NEGR1: variants seen among roughly 807,000 people sequenced by gnomAD.
NEGR1 encodes neuronal growth regulator 1.
In NEGR1, 10 loss-of-function variants were observed where a neutral mutation model predicts 40.9. That is an observed-to-expected ratio of 0.24 (90% CI 0.15 to 0.42). The LOEUF (loss-of-function observed/expected upper bound fraction) is 0.42. NEGR1 is among the 10% of genes least tolerant of loss of function. The pLI, the probability that NEGR1 is intolerant of heterozygous loss-of-function variation, is 1.00. For missense variants in NEGR1, 352 were observed against 438.9 expected (o/e 0.80, Z 1.77); for synonymous variants, 185 against 166.8 (o/e 1.11, Z -0.84).
chr1:71,417,886 A>C (rs1646366777), intron 6 of NEGR1, among the ~76,000 whole-genome samples: 1 of 152,186 alleles, frequency 6.6e-6, no homozygotes, highest in African/African-American at 2.4e-5. Context: ...GCAGGAGATC[A>C]TGTGTATCTC....
chr1:71,935,295 C>A lies in NEGR1; in HGVS notation c.193G>T (p.Gly65Ter). The change falls in exon 2 of 7, where the codon GGA (glycine) becomes TGA (stop). Residue 65 changes from glycine to a stop codon, truncating the protein, a stop_gained. Transcript: ENST00000357731. LOFTEE classifies it high-confidence loss of function. ...TTCAGCCAGGCACCCTTTGAAGCTC[C>A]ATCTTCCAAATAACACCTACAAATT... is the stretch of plus-strand genomic sequence containing the variant. ...TAVLRCYLEDGASKGAWLNRS... is the reference protein window; with the variant it reads ...TAVLRCYLED 6.2e-7 allele frequency: 1 copy of A among 1,612,152 alleles called. No homozygotes were observed. The highest frequency in any genetic ancestry group is 8.5e-7 in the Non-Finnish European group (1 of 1,178,288).
In NEGR1 at chr1:71,832,037, AG is replaced by A. The variant is rs1658860576; in HGVS notation, c.410-55741del. Reference sequence around the variant, plus strand: ...CTGATGTAAGTACGCAAGATGGATTAGAGATGGTAGAGACTCGAGTGAGAAA... The same window carrying A: ...CTGATGTAAGTACGCAAGATGGATTAAGATGGTAGAGACTCGAGTGAGAAA... On this transcript the variant is annotated intron_variant, in intron 2 of 6. Transcript: ENST00000357731. Among the ~76,000 whole-genome samples the A allele has an allele frequency of 2.0e-5, 3 of 152,016 alleles. No homozygotes were observed. The South Asian group carries it at 6.2e-4, about 32-fold the overall frequency.
chr1:71,683,226 C>A (rs1347573875), intron 4 of NEGR1, among the ~76,000 whole-genome samples: 1 of 152,012 alleles, frequency 6.6e-6, no homozygotes, highest in African/African-American at 2.4e-5. Context: ...TCTTATACTA[C>A]AGGTATGGCC....
chr1:71,915,323 A>G (rs1011334817), intron 2 of NEGR1, among the ~76,000 whole-genome samples: 1 of 152,138 alleles, frequency 6.6e-6, no homozygotes, highest in Admixed American at 6.5e-5. Flanking sequence ...GAAAAAATAG[A>G]AAGTTGGAGA....
chr1:71,772,236 T>C (rs1656354136), intron 3 of NEGR1, among the ~76,000 whole-genome samples: 1 of 152,140 alleles, frequency 6.6e-6, no homozygotes, highest in Admixed American at 6.5e-5. Flanking sequence ...AAACCCCATC[T>C]CTACTCAGAA....
At chr1:71,636,096 T>G (rs1200425260) in intron 4 of NEGR1, among the ~76,000 whole-genome samples, 1 of 152,082 alleles carries the variant, frequency 6.6e-6, no homozygotes, top group African/African-American at 2.4e-5. Flanking sequence ...TTTTAAAATA[T>G]TTTTGAATAG....
intron 1 of NEGR1, among the ~76,000 whole-genome samples, chr1:72,186,057 A>G (rs1652600954): frequency 6.6e-6 from 1 of 151,838 alleles, no homozygotes; most frequent in Non-Finnish European, 1.5e-5. Flanking sequence ...AAGATCATCA[A>G]AGTAGTTAGC....
intron 1 of NEGR1, among the ~76,000 whole-genome samples, chr1:72,102,588 G>A (rs1350524085): frequency 1.3e-5 from 2 of 151,982 alleles, no homozygotes; most frequent in African/African-American, 2.4e-5. Flanking sequence ...TGCTAATGAT[G>A]GTGTAACTGA....
chr1:71,711,341 C>CAAAAA (rs59376519), intron 3 of NEGR1, among the ~76,000 whole-genome samples: 743 of 57,696 alleles, frequency 0.013, 5 homozygotes, highest in Middle Eastern at 0.05. Context: ...GAGATTCCAC[C>CAAAAA]AAAAAAAAAA....
At chr1:72,031,365 C>G (rs1283787261) in intron 1 of NEGR1, among the ~76,000 whole-genome samples, 2 of 152,174 alleles carry the variant, frequency 1.3e-5, no homozygotes, top group Non-Finnish European at 2.9e-5. Context: ...TATCCAGCCC[C>G]ACTTTACTCA....
At chr1:72,219,882 T>G (rs745848619) in intron 1 of NEGR1, among the ~76,000 whole-genome samples, 1 of 152,126 alleles carries the variant, frequency 6.6e-6, no homozygotes, top group Non-Finnish European at 1.5e-5. Flanking sequence ...TTATTTATTT[T>G]GGTTGTACAA....
At chr1:71,781,567 A>G (rs1346769015) in intron 2 of NEGR1, among the ~76,000 whole-genome samples, 1 of 152,328 alleles carries the variant, frequency 6.6e-6, no homozygotes, top group East Asian at 1.9e-4. Context: ...GCTAAAAGGT[A>G]GATGGAATAT....
intron 6 of NEGR1, among the ~76,000 whole-genome samples, chr1:71,582,236 G>A (rs1649164428): frequency 6.6e-6 from 1 of 152,026 alleles, no homozygotes; most frequent in Non-Finnish European, 1.5e-5. Flanking sequence ...TTGATATACA[G>A]TACAAAGGGA....
chr1:71,804,694 C>T (rs1415079287), intron 2 of NEGR1, among the ~76,000 whole-genome samples: 2 of 152,144 alleles, frequency 1.3e-5, no homozygotes, highest in African/African-American at 4.8e-5. Flanking sequence ...TCTCTTAATC[C>T]CATCATCTTT....
chr1:72,111,486 C>T (rs1272125315), intron 1 of NEGR1, among the ~76,000 whole-genome samples: 6 of 151,524 alleles, frequency 4.0e-5, no homozygotes, highest in African/African-American at 1.5e-4. Context: ...TACCAACATG[C>T]ATAAAGTGCT....
rs1655679323 is a variant in NEGR1, at chr1:71,754,776, T to C, written c.535+21396A>G. On this transcript the variant is annotated intron_variant, in intron 3 of 6. Coordinates refer to ENST00000357731, the MANE Select transcript of NEGR1 (RefSeq NM_173808.3). ...TTTTCCATATATCTTATTCTATCTT[T>C]TGTTATATTTTAACTCATTAGATCA... Among the ~76,000 whole-genome samples the C allele has an allele frequency of 2.6e-5, 4 of 152,336 alleles. No homozygotes were observed. In the South Asian group the frequency reaches 8.3e-4, roughly 32 times the overall value.
At chr1:72,087,001 ATTTCATTTT>A (rs1648248104) in intron 1 of NEGR1, among the ~76,000 whole-genome samples, 14 of 152,188 alleles carry the variant, frequency 9.2e-5, no homozygotes, top group Admixed American at 9.2e-4. Flanking sequence ...AGTTAGAGTT[ATTTCATTTT>A]ACTTCAACAA....
chr1:72,077,687 C>T (rs1647809166), intron 1 of NEGR1, among the ~76,000 whole-genome samples: 1 of 151,788 alleles, frequency 6.6e-6, no homozygotes, highest in East Asian at 1.9e-4. Context: ...GTGGCGCATG[C>T]CTGTAGTCCC....
chr1:71,639,183 T>C (rs986297762), intron 4 of NEGR1, among the ~76,000 whole-genome samples: 2 of 150,220 alleles, frequency 1.3e-5, no homozygotes, highest in African/African-American at 4.9e-5. Context: ...TTCTGCATAT[T>C]TGAAGATGAA....
Sources: gnomAD v4.1 joint callset for allele counts (sites outside exome capture counted in the v4.1 genomes callset) on GRCh38, gnomAD v4.1.1 for gene constraint, MANE v1.5 for transcripts, NCBI Gene and HGNC (gene_info 2026-07-23, HGNC 2026-07-21) for gene names.